Variants in PECAM1 observed in about 807,000 individuals in gnomAD.
The protein encoded by PECAM1 is platelet and endothelial cell adhesion molecule 1.
PECAM1 carries 8 observed loss-of-function variants against 13.8 expected under a neutral mutation model. The observed-to-expected ratio is 0.58, with a 90% confidence interval of 0.34 to 1.05. The LOEUF is 1.05. PECAM1 is among the 50% of genes least tolerant of loss of function. The probability of loss-of-function intolerance (pLI) is 0.03; values close to 1 mark genes in which losing one functional copy is unlikely to be tolerated. For synonymous variants in PECAM1, 136 were observed against 52.6 expected, an observed-to-expected ratio of 2.58 and a Z score of -6.86; for missense variants, 304 against 141.2, an observed-to-expected ratio of 2.15 and a Z score of -5.84.
intron 2 of PECAM1, among the ~76,000 whole-genome samples, chr17:64,383,998 G>A (rs936420262): frequency 3.3e-5 from 5 of 152,082 alleles, no homozygotes; most frequent in African/African-American, 4.8e-5. Context: ...GGGCATGGTA[G>A]CGGGCACTTG....
rs993570940 is a variant in PECAM1, at chr17:64,332,220, C to G, written c.2165-2498G>C. On this transcript the variant is annotated intron_variant, in intron 14 of 15. Transcript: ENST00000563924. ...GTCAACAGCCAAATGATGAATCAGCCCAACGCTAATGTTGAGCCATTGTGT... is the reference window on the plus strand; with the variant it reads ...GTCAACAGCCAAATGATGAATCAGCGCAACGCTAATGTTGAGCCATTGTGT... Among the ~76,000 whole-genome samples the G allele has an allele frequency of 5.4e-4, 82 of 152,084 alleles. 1 individual carries two copies. The highest frequency in any genetic ancestry group is 1.8e-3 in the African/African-American group (76 of 41,398).
chr17:64,352,913 G>A (rs2035760847), intron 10 of PECAM1, among the ~76,000 whole-genome samples: 1 of 152,198 alleles, frequency 6.6e-6, no homozygotes, highest in Admixed American at 6.5e-5. Context: ...GCCTCCCAAA[G>A]TGCTGGGATT....
At chr17:64,352,948 C>T (rs1377823778) in intron 10 of PECAM1, among the ~76,000 whole-genome samples, 13 of 152,068 alleles carry the variant, frequency 8.5e-5, no homozygotes, top group Admixed American at 7.2e-4. Context: ...CCATGCTTGG[C>T]GGTGATAAAA....
intron 14 of PECAM1, among the ~76,000 whole-genome samples, chr17:64,340,565 C>T (rs1410460988): frequency 6.6e-6 from 1 of 152,056 alleles, no homozygotes; most frequent in Non-Finnish European, 1.5e-5. Context: ...TAAAAGTTGT[C>T]ATTGTGTATT....
intron 14 of PECAM1, among the ~76,000 whole-genome samples, chr17:64,338,638 A>G (rs1412979836): frequency 6.6e-6 from 1 of 151,896 alleles, no homozygotes; most frequent in Non-Finnish European, 1.5e-5. Flanking sequence ...GCTCACTGCA[A>G]CCTCTGCCTC....
At chr17:64,333,426 G>A (rs1434100064) in intron 14 of PECAM1, among the ~76,000 whole-genome samples, 4 of 152,050 alleles carry the variant, frequency 2.6e-5, no homozygotes, top group African/African-American at 9.7e-5. Context: ...CTCCATGGTG[G>A]CCCTGTTGAA....
intron 9 of PECAM1, among the ~76,000 whole-genome samples, chr17:64,353,856 G>A (rs1410092118): frequency 5.9e-5 from 9 of 151,464 alleles, no homozygotes; most frequent in Non-Finnish European, 1.3e-4. Flanking sequence ...AGTGATTTTT[G>A]TTAGTGAAAT....
intron 6 of PECAM1, among the ~76,000 whole-genome samples, chr17:64,362,243 C>A (rs950673217): frequency 6.6e-6 from 1 of 152,218 alleles, no homozygotes. Context: ...CCAGGTCTTG[C>A]ATGCACATTC....
At chr17:64,379,839 C>T (rs1404581149) in intron 2 of PECAM1, among the ~76,000 whole-genome samples, 2 of 151,550 alleles carry the variant, frequency 1.3e-5, no homozygotes, top group African/African-American at 4.9e-5. Context: ...GCCTGGGCAA[C>T]ATGGCAAAAC....
chr17:64,359,011 T>G (rs2035911545), intron 7 of PECAM1, among the ~76,000 whole-genome samples: 1 of 152,172 alleles, frequency 6.6e-6, no homozygotes, highest in African/African-American at 2.4e-5. Flanking sequence ...TTGGCCAGGC[T>G]GGTCTCGAAT....
chr17:64,340,955 G>C (rs2143729515), intron 14 of PECAM1, among the ~76,000 whole-genome samples: 1 of 152,210 alleles, frequency 6.6e-6, no homozygotes, highest in Non-Finnish European at 1.5e-5. Context: ...AAATTAGCTG[G>C]GTGTGGTGGC....
At chr17:64,368,032 T>C (rs2036152141) in intron 5 of PECAM1, among the ~76,000 whole-genome samples, 1 of 152,104 alleles carries the variant, frequency 6.6e-6, no homozygotes, top group Non-Finnish European at 1.5e-5. Context: ...ATAGGAGGCT[T>C]TTAGTAAATA....
At chr17:64,323,912 G>A (rs1555645085) in intron 15 of PECAM1, 67 bp from the exon 16 acceptor site, 1 of 789,576 alleles carries the variant, frequency 1.3e-6, no homozygotes, top group Non-Finnish European at 2.3e-6. Context: ...CCCTGGTGGA[G>A]AGAAATGCAA....
Position 64,341,688 on chromosome 17 carries a change from G to A in PECAM1, c.2110C>T (p.Leu704=), listed in dbSNP as rs1433764622. 1.1e-5 allele frequency: 5 copies of A among 441,856 alleles called. No individual in the cohort carries two copies. Among genetic ancestry groups the A allele is most frequent in the Non-Finnish European group, 1.7e-5 (4 of 242,256 alleles). The allele number at this position is 441,856 out of a possible 1,614,324, so 27.4% of individuals were successfully genotyped here. ...QVSSAESHKD[L]GKKDTETVYS... is the part of the protein sequence containing the mutation. Reference sequence around the variant, plus strand: ...ACTGTCTCTGTGTCCTTCTTTCCTAGATCTGGAAAAAGGACCAGGCATAAG... The same window carrying A: ...ACTGTCTCTGTGTCCTTCTTTCCTAAATCTGGAAAAAGGACCAGGCATAAG... Residue 704 remains leucine (L), a splice_region_variant and synonymous_variant, in exon 14 of 16, where the codon CTA becomes TTA. Transcript: ENST00000563924.
chr17:64,383,406 AG>A (rs2036525965), intron 2 of PECAM1, among the ~76,000 whole-genome samples: 1 of 151,660 alleles, frequency 6.6e-6, no homozygotes, highest in Admixed American at 6.5e-5. Context: ...AAAGTGGCTG[AG>A]GGCACAGAAG....
intron 14 of PECAM1, among the ~76,000 whole-genome samples, chr17:64,335,469 T>C (rs1340350836): frequency 2.0e-5 from 3 of 149,712 alleles, no homozygotes; most frequent in Middle Eastern, 3.5e-3. Context: ...CTAAGAAAGA[T>C]GGAAAACAGA....
intron 2 of PECAM1, among the ~76,000 whole-genome samples, chr17:64,379,810 G>T (rs1045958391): frequency 6.6e-6 from 1 of 152,058 alleles, no homozygotes; most frequent in Non-Finnish European, 1.5e-5. Context: ...GATCGCTTGA[G>T]CCCAGAAGTT....
At chr17:64,353,062 T>G (rs1363833044) in intron 10 of PECAM1, among the ~76,000 whole-genome samples, 1 of 152,154 alleles carries the variant, frequency 6.6e-6, no homozygotes, top group Non-Finnish European at 1.5e-5. Flanking sequence ...CACGCTACTG[T>G]TTCTCTCTGG....
At position 64,390,748 on chromosome 17, in the gene PECAM1, C is replaced by T. The variant is rs1012071443; in HGVS notation, c.-83G>A. Reference sequence around the variant, plus strand: ...GCAGAAGGCACTGCCCACAAGTCACCGTTGAGAAACCCGCCCTGTGAAAAG... The same window carrying T: ...GCAGAAGGCACTGCCCACAAGTCACTGTTGAGAAACCCGCCCTGTGAAAAG... On this transcript the variant is annotated 5_prime_UTR_variant, in exon 1 of 16. Coordinates refer to ENST00000563924, the MANE Select transcript of PECAM1 (RefSeq NM_000442.5). The T allele has an allele frequency of 2.5e-6, 1 of 407,446 alleles. No homozygotes were observed. Among genetic ancestry groups the T allele is most frequent in the Non-Finnish European group, 4.4e-6 (1 of 227,170 alleles). The allele number at this position is 407,446 out of a possible 1,614,324, so 25.2% of individuals were successfully genotyped here.
Sources: gnomAD v4.1 joint callset for allele counts (sites outside exome capture counted in the v4.1 genomes callset) on GRCh38, gnomAD v4.1.1 for gene constraint, MANE v1.5 for transcripts, NCBI Gene and HGNC (gene_info 2026-07-23, HGNC 2026-07-21) for gene names.